ZHX2: variants seen among roughly 807,000 people sequenced by gnomAD.
ZHX2 encodes zinc fingers and homeoboxes protein 2.
In ZHX2, 6 loss-of-function variants were observed where a neutral mutation model predicts 21.9. The ratio of observed to expected loss-of-function variants is 0.27; its 90% CI spans 0.15 to 0.54. ZHX2 has a LOEUF of 0.54. ZHX2 is among the 20% of genes least tolerant of loss of function. The probability of loss-of-function intolerance (pLI) is 0.95; values close to 1 mark genes in which losing one functional copy is unlikely to be tolerated. For missense variants in ZHX2, 908 were observed against 1,090.7 expected, an observed-to-expected ratio of 0.83 and a Z score of 2.36; for synonymous variants, 434 against 437.1, an observed-to-expected ratio of 0.99 and a Z score of 0.09.
At chr8:122,930,207 A>G (rs1373057949) in intron 2 of ZHX2, among the ~76,000 whole-genome samples, 2 of 152,164 alleles carry the variant, frequency 1.3e-5, no homozygotes, top group Non-Finnish European at 2.9e-5. Context: ...GTGGGCTGCA[A>G]TGCACACTCA....
intron 1 of ZHX2, among the ~76,000 whole-genome samples, chr8:122,794,558 T>G (rs1456520735): frequency 6.6e-6 from 1 of 152,128 alleles, no homozygotes; most frequent in Non-Finnish European, 1.5e-5. Context: ...AGAGCATATC[T>G]CCAGTCTAAA....
intron 1 of ZHX2, among the ~76,000 whole-genome samples, chr8:122,847,652 CA>C (rs2130730557): frequency 6.6e-6 from 1 of 152,350 alleles, no homozygotes; most frequent in East Asian, 1.9e-4. Context: ...CACCTTCGCA[CA>C]TGGGGGATGT....
intron 2 of ZHX2, among the ~76,000 whole-genome samples, chr8:122,938,469 G>A (rs1326324150): frequency 6.6e-6 from 1 of 152,148 alleles, no homozygotes; most frequent in Non-Finnish European, 1.5e-5. Context: ...AGTTCACCAA[G>A]AAGGATGGAG....
At chr8:122,927,930 G>T (rs1586395400) in intron 2 of ZHX2, among the ~76,000 whole-genome samples, 1 of 152,112 alleles carries the variant, frequency 6.6e-6, no homozygotes, top group Non-Finnish European at 1.5e-5. Flanking sequence ...TAACTTGGTG[G>T]CTTCTGAAAT....
At chr8:122,941,870 G>C (rs1325331956) in intron 2 of ZHX2, among the ~76,000 whole-genome samples, 1 of 152,190 alleles carries the variant, frequency 6.6e-6, no homozygotes, top group African/African-American at 2.4e-5. Flanking sequence ...AGTAACTCTG[G>C]ACTGAGGTTC....
At position 122,951,425 on chromosome 8, in the gene ZHX2, A is replaced by C. The variant is rs1409397152; in HGVS notation, c.-86A>C. 24 of 1,234,854 alleles carry C rather than the reference A, an allele frequency of 1.9e-5. No individual in the cohort carries two copies. The highest frequency in any genetic ancestry group is 2.7e-5 in the Non-Finnish European group (24 of 897,790). 76.5% of individuals were successfully genotyped at this position (1,234,854 alleles called of 1,614,324 possible). A position where few individuals can be genotyped will look rare whatever the true frequency, so the allele number is the denominator to read the frequency against. Reference sequence around the variant, plus strand: ...CCATTTGAGGGGGAATAAAGCCAAAAGCCTTTCACCTTATTCGTTCCAAGA... The same window carrying C: ...CCATTTGAGGGGGAATAAAGCCAAACGCCTTTCACCTTATTCGTTCCAAGA... On this transcript the variant is annotated 5_prime_UTR_variant, in exon 3 of 4. Coordinates refer to ENST00000314393, the MANE Select transcript of ZHX2 (RefSeq NM_014943.5).
chr8:122,874,895 C>G (rs1819526711), intron 2 of ZHX2, among the ~76,000 whole-genome samples: 1 of 151,310 alleles, frequency 6.6e-6, no homozygotes, highest in Admixed American at 6.6e-5. Context: ...TTCTCAGGTG[C>G]CAGACCACCT....
chr8:122,867,782 G>A (rs1364285727), intron 2 of ZHX2, among the ~76,000 whole-genome samples: 2 of 152,180 alleles, frequency 1.3e-5, no homozygotes, highest in African/African-American at 4.8e-5. Flanking sequence ...AGATGGTCAA[G>A]AAATGCTATT....
At chr8:122,908,777 T>G (rs908356934) in intron 2 of ZHX2, among the ~76,000 whole-genome samples, 2 of 152,052 alleles carry the variant, frequency 1.3e-5, no homozygotes, top group Non-Finnish European at 2.9e-5. Flanking sequence ...AATGATGAAG[T>G]GAGAAGGCAA....
At chr8:122,955,015 C>T (rs1813257350) in intron 3 of ZHX2, among the ~76,000 whole-genome samples, 1 of 147,310 alleles carries the variant, frequency 6.8e-6, no homozygotes, top group African/African-American at 2.6e-5. Flanking sequence ...TCCCCATAAC[C>T]CCTTCAAATC....
chr8:122,856,760 G>T (rs1460463056), intron 1 of ZHX2, among the ~76,000 whole-genome samples: 1 of 152,068 alleles, frequency 6.6e-6, no homozygotes, highest in Non-Finnish European at 1.5e-5. Flanking sequence ...GTGCCTGGTG[G>T]TGCTTCTCAG....
chr8:122,846,908 G>A (rs1178058618), intron 1 of ZHX2, among the ~76,000 whole-genome samples: 1 of 152,076 alleles, frequency 6.6e-6, no homozygotes, highest in African/African-American at 2.4e-5. Context: ...TATTTGAGAG[G>A]CCAAGGAACG....
At chr8:122,865,854 G>T (rs1037174066) in intron 2 of ZHX2, among the ~76,000 whole-genome samples, 1 of 152,232 alleles carries the variant, frequency 6.6e-6, no homozygotes. Context: ...GGAGTCAGAA[G>T]CCCTGGCATA....
intron 3 of ZHX2, among the ~76,000 whole-genome samples, chr8:122,955,587 G>A (rs896971047): frequency 5.3e-5 from 8 of 152,092 alleles, no homozygotes; most frequent in Non-Finnish European, 1.2e-4. Context: ...GCACTTTAAC[G>A]AGCAGCCAAT....
At chr8:122,937,933 G>GTTTTTTTTTTTTTTTTTTTTT (rs71310636) in intron 2 of ZHX2, among the ~76,000 whole-genome samples, 1 of 73,352 alleles carries the variant, frequency 1.4e-5, no homozygotes, top group African/African-American at 5.7e-5. Context: ...TTTCTTTTTG[G>GTTTTTTTTTTTTTTTTTTTTT]TTTTTTTTTT....
In ZHX2 at chr8:122,782,119, T is replaced by G. The variant is rs1216618357; in HGVS notation, c.-283+173T>G. 1.3e-3 allele frequency among the ~76,000 whole-genome samples: 36 copies of G among 27,268 alleles called. No individual in the cohort carries two copies. The highest frequency in any genetic ancestry group is 3.6e-3 in the South Asian group (2 of 558). 17.9% of individuals were successfully genotyped at this position (27,268 alleles called of 152,430 possible). A position where few individuals can be genotyped will look rare whatever the true frequency, so the allele number is the denominator to read the frequency against. On this transcript the variant is annotated intron_variant, in intron 1 of 3. Transcript: ENST00000314393. The surrounding 1 kb of genome is among the most constrained non-coding windows in gnomAD (Gnocchi z 5.3). ...GCCGGGTTTGTGATTGGAAGGGGGG[T>G]ACGGAAGGGGGGGGGTGTGCAGGCT... is the stretch of plus-strand genomic sequence containing the variant.
rs79910838 is a variant in ZHX2 at position 122,914,696 on chromosome 8, G to A, written c.-219-36596G>A. Among the ~76,000 whole-genome samples, 5 of 152,234 alleles carry A rather than the reference G, an allele frequency of 3.3e-5. No homozygotes were observed. The South Asian group carries it at 6.2e-4, about 19-fold the overall frequency. On this transcript the variant is annotated intron_variant, in intron 2 of 3. Coordinates refer to ENST00000314393, the MANE Select transcript of ZHX2 (RefSeq NM_014943.5). ...TTCTATTTGCTAATAAATCTCATGCGCTCATTCAGACACTTCCATCAGTTC... is the reference window on the plus strand; with the variant it reads ...TTCTATTTGCTAATAAATCTCATGCACTCATTCAGACACTTCCATCAGTTC...
intron 2 of ZHX2, among the ~76,000 whole-genome samples, chr8:122,868,698 C>CAAAA (rs35306891): frequency 9.9e-6 from 1 of 100,644 alleles, no homozygotes; most frequent in Non-Finnish European, 1.9e-5. Flanking sequence ...AAGACTCCGT[C>CAAAA]AAAAAAAAAA....
At chr8:122,805,292 G>A (rs886468190) in intron 1 of ZHX2, among the ~76,000 whole-genome samples, 5 of 152,252 alleles carry the variant, frequency 3.3e-5, no homozygotes, top group East Asian at 1.9e-4. Context: ...GTATTGAGAC[G>A]GGCATGGAAC....
Sources: gnomAD v4.1 joint callset for allele counts (sites outside exome capture counted in the v4.1 genomes callset) on GRCh38, gnomAD v4.1.1 for gene constraint, Gnocchi (gnomAD v3.1) non-coding constraint, MANE v1.5 for transcripts, NCBI Gene and HGNC (gene_info 2026-07-23, HGNC 2026-07-21) for gene names.